The following MARCHF6 variants were observed in gnomAD, a reference collection of about 807,000 sequenced individuals.
The protein encoded by MARCHF6 is membrane associated ring-CH-type finger 6.
MARCHF6 carries 31 observed loss-of-function variants against 133.7 expected under a neutral mutation model. That is an observed-to-expected ratio of 0.23 (90% CI 0.17 to 0.31). The LOEUF is 0.31. Ranked by LOEUF, MARCHF6 falls within the 10% of genes least tolerant of loss-of-function variation. MARCHF6 has a pLI of 1.00. For missense variants in MARCHF6, 723 were observed against 1,121.6 expected (o/e 0.64, Z 5.08); for synonymous variants, 395 against 402.5 (o/e 0.98, Z 0.22).
chr5:10,402,525 C>T lies in MARCHF6; in HGVS notation c.1123-8C>T. 6.2e-7 allele frequency: 1 copy of T among 1,612,524 alleles called. No homozygotes were observed. The highest frequency in any genetic ancestry group is 8.5e-7 in the Non-Finnish European group (1 of 1,178,696). ...GGGTGATACTGATGACCTTTATTTTCACTTAAGGTCTCTTTGTTAGTGGTG... is the reference window on the plus strand; with the variant it reads ...GGGTGATACTGATGACCTTTATTTTTACTTAAGGTCTCTTTGTTAGTGGTG... On this transcript the variant is annotated splice_region_variant and splice_polypyrimidine_tract_variant and intron_variant, in intron 13 of 25. Coordinates refer to ENST00000274140, the MANE Select transcript of MARCHF6 (RefSeq NM_005885.4).
chr5:10,439,310 A>G lies in MARCHF6; in HGVS notation c.*5626A>G, dbSNP rs558588721. On this transcript the variant is annotated 3_prime_UTR_variant, in exon 26 of 26. Transcript: ENST00000274140. Reference sequence around the variant, plus strand: ...TAACACTGGCAAAGATTAAAGTCCAAATGGATTATAGTTCCCCAAAACTGT... The same window carrying G: ...TAACACTGGCAAAGATTAAAGTCCAGATGGATTATAGTTCCCCAAAACTGT... The G allele has an allele frequency of 2.6e-5, 4 of 152,346 alleles. No individual in the cohort carries two copies. The East Asian group carries it at 5.8e-4, about 22-fold the overall frequency. The allele number at this position is 152,346 out of a possible 1,614,324, so 9.4% of individuals were successfully genotyped here. A position where few individuals can be genotyped will look rare whatever the true frequency, so the allele number is the denominator to read the frequency against.
At chr5:10,355,416 A>G (rs1250184127) in intron 1 of MARCHF6, among the ~76,000 whole-genome samples, 1 of 152,100 alleles carries the variant, frequency 6.6e-6, no homozygotes, top group Non-Finnish European at 1.5e-5. Flanking sequence ...TTCAATTCTC[A>G]TTCTTTTGGC....
At chr5:10,431,680 G>C (rs1030600366) in intron 25 of MARCHF6, among the ~76,000 whole-genome samples, 3 of 151,918 alleles carry the variant, frequency 2.0e-5, no homozygotes, top group African/African-American at 7.3e-5. Flanking sequence ...TGGTGGGCTT[G>C]AGTATGAGAG....
intron 11 of MARCHF6, chr5:10,401,137 T>A (rs1437461947): frequency 1.0e-5 from 3 of 301,286 alleles, no homozygotes; most frequent in Non-Finnish European, 1.9e-5. Context: ...ACCTGTATGT[T>A]CTCTTCTTTC....
intron 15 of MARCHF6, among the ~76,000 whole-genome samples, chr5:10,404,356 C>CT (rs1340455264): frequency 1.3e-5 from 2 of 152,180 alleles, no homozygotes; most frequent in African/African-American, 2.4e-5. Flanking sequence ...GTGTGAGCCA[C>CT]TGTGCCTGGC....
intron 15 of MARCHF6, 100 bp downstream of exon 15, chr5:10,403,641 A>C: frequency 9.4e-7 from 1 of 1,067,400 alleles, no homozygotes; most frequent in Non-Finnish European, 1.3e-6. Context: ...TCCTACCTAA[A>C]TCATATTCTC....
At chr5:10,371,817 T>C (rs1736483503) in intron 1 of MARCHF6, among the ~76,000 whole-genome samples, 1 of 152,218 alleles carries the variant, frequency 6.6e-6, no homozygotes, top group Non-Finnish European at 1.5e-5. Flanking sequence ...TTAAAGTTTC[T>C]AGTACATTAT....
chr5:10,426,618 CT>C, intron 24 of MARCHF6, 96 bp downstream of exon 24: 2 of 1,292,956 alleles, frequency 1.5e-6, no homozygotes, highest in Non-Finnish European at 2.1e-6. Context: ...ACTCCATATG[CT>C]TTATTTGTAA....
At chr5:10,354,296 C>T (rs1401399024) in intron 1 of MARCHF6, among the ~76,000 whole-genome samples, 1 of 152,192 alleles carries the variant, frequency 6.6e-6, no homozygotes, top group Non-Finnish European at 1.5e-5. Flanking sequence ...TTTTGTCTTT[C>T]TTTACGTCCT....
chr5:10,353,877 C>T lies in MARCHF6; in HGVS notation c.-22C>T. ...GGCCGCGGGAGCCTCGTGGCTGCGTCACCGCCGCCCCCCCAGACAAGATGG... is the reference window on the plus strand; with the variant it reads ...GGCCGCGGGAGCCTCGTGGCTGCGTTACCGCCGCCCCCCCAGACAAGATGG... On this transcript the variant is annotated 5_prime_UTR_variant, in exon 1 of 26. Coordinates refer to ENST00000274140, the MANE Select transcript of MARCHF6 (RefSeq NM_005885.4). 1 of 1,560,318 alleles carries T rather than the reference C, an allele frequency of 6.4e-7. No individual in the cohort carries two copies. Among genetic ancestry groups the T allele is most frequent in the Middle Eastern group, 1.7e-4 (1 of 5,984 alleles).
intron 23 of MARCHF6, among the ~76,000 whole-genome samples, chr5:10,424,094 G>C (rs1257240702): frequency 2.0e-5 from 3 of 151,788 alleles, no homozygotes; most frequent in African/African-American, 7.3e-5. Flanking sequence ...GTTTATTAAA[G>C]TACATATTTC....
chr5:10,437,029 G>GT lies in MARCHF6; in HGVS notation c.*3346dup, dbSNP rs1740680067. The GT allele has an allele frequency of 1.3e-5, 2 of 152,356 alleles. No individual in the cohort carries two copies. The highest frequency in any genetic ancestry group is 3.9e-4 in the East Asian group (2 of 5,194). The allele number at this position is 152,356 out of a possible 1,614,324, so 9.4% of individuals were successfully genotyped here. ...ATTGGCAAAATGCCACTATTAAAGT[G>GT]TAATTCTTGAATTTAGGTTGAATTG... is the stretch of plus-strand genomic sequence containing the variant. On this transcript the variant is annotated 3_prime_UTR_variant, in exon 26 of 26. Transcript: ENST00000274140.
rs571029426 is a variant in MARCHF6, at chr5:10,383,132, T to G, written c.334+1189T>G. On this transcript the variant is annotated intron_variant, in intron 4 of 25. Coordinates refer to ENST00000274140, the MANE Select transcript of MARCHF6 (RefSeq NM_005885.4). ...AAATAATCTTGATTACCTATGGAAA[T>G]GAAATTCTTGGAAGATACCAACTAG... is the stretch of plus-strand genomic sequence containing the variant. Among the ~76,000 whole-genome samples, 11 of 152,332 alleles carry G rather than the reference T, an allele frequency of 7.2e-5. No homozygotes were observed. The South Asian group carries it at 2.3e-3, about 32-fold the overall frequency.
intron 4 of MARCHF6, among the ~76,000 whole-genome samples, chr5:10,383,033 A>G (rs1253004311): frequency 2.0e-5 from 3 of 152,140 alleles, no homozygotes; most frequent in Non-Finnish European, 4.4e-5. Flanking sequence ...GAGTATATAG[A>G]TAAGATTCAT....
intron 23 of MARCHF6, 65 bp from the exon 24 acceptor site, chr5:10,426,325 T>A: frequency 6.4e-7 from 1 of 1,558,502 alleles, no homozygotes; most frequent in Non-Finnish European, 8.8e-7. Flanking sequence ...GTGTGGAGAT[T>A]GCTGTATTAA....
chr5:10,363,536 C>T (rs748497953), intron 1 of MARCHF6, among the ~76,000 whole-genome samples: 13 of 152,184 alleles, frequency 8.5e-5, no homozygotes, highest in South Asian at 4.1e-4. Context: ...TCATTTGTTA[C>T]GCTAGGAATG....
In MARCHF6 at chr5:10,424,325, G is replaced by A. The variant is rs552063350; in HGVS notation, c.2373+501G>A. The stretch of plus-strand genomic sequence containing the variant: ...TTGATTCCTCTGGTGCCATCTAGAG[G>A]CCCAGAAAGGCCCAAAGCTCTCTTC... On this transcript the variant is annotated intron_variant, in intron 23 of 25. Coordinates refer to ENST00000274140, the MANE Select transcript of MARCHF6 (RefSeq NM_005885.4). Among the ~76,000 whole-genome samples the A allele has an allele frequency of 5.9e-5, 9 of 152,280 alleles. No homozygotes were observed. The East Asian group carries it at 1.7e-3, about 29-fold the overall frequency.
intron 3 of MARCHF6, 133 bp downstream of exon 3, chr5:10,378,965 GA>G (rs1736957704): frequency 3.9e-6 from 2 of 515,950 alleles, no homozygotes; most frequent in South Asian, 7.1e-5. Context: ...TTTTCAGCTT[GA>G]TTTTTTTTGA....
intron 5 of MARCHF6, among the ~76,000 whole-genome samples, chr5:10,388,335 G>A (rs1737612547): frequency 2.0e-5 from 3 of 152,014 alleles, no homozygotes; most frequent in Non-Finnish European, 4.4e-5. Flanking sequence ...TCTGAGTAAT[G>A]TTTTACACTC....
Sources: allele counts gnomAD v4.1 joint callset (sites outside exome capture counted in the v4.1 genomes callset), GRCh38; gene constraint gnomAD v4.1.1; transcripts MANE v1.5; gene names NCBI Gene and HGNC (gene_info 2026-07-23, HGNC 2026-07-21).